RERE: variants seen among roughly 807,000 people sequenced by gnomAD.
RERE encodes arginine-glutamic acid dipeptide repeats, also known as arginine-glutamic acid dipeptide repeats protein.
RERE carries 40 observed loss-of-function variants against 146.1 expected under a neutral mutation model. The ratio of observed to expected loss-of-function variants is 0.27; its 90% confidence interval spans 0.21 to 0.36. The LOEUF is 0.36. RERE is among the 10% of genes least tolerant of loss of function. The probability of loss-of-function intolerance (pLI) is 1.00; values close to 1 mark genes in which losing one functional copy is unlikely to be tolerated. For missense variants in RERE, 1,933 were observed against 2,138.7 expected (o/e 0.90, Z 1.90); for synonymous variants, 1,003 against 866.0 (o/e 1.16, Z -2.78).
At chr1:8,530,685 T>C (rs949296264) in intron 7 of RERE, among the ~76,000 whole-genome samples, 4 of 135,790 alleles carry the variant, frequency 2.9e-5, no homozygotes, top group East Asian at 2.0e-4. Context: ...TTTTCTTTTT[T>C]TTTTTTTTTT....
chr1:8,384,679 C>A (rs1642578682), intron 12 of RERE, among the ~76,000 whole-genome samples: 2 of 152,206 alleles, frequency 1.3e-5, no homozygotes, highest in Non-Finnish European at 2.9e-5. Context: ...GCTTTGAAGG[C>A]ATTTTCTCTG....
intron 1 of RERE, among the ~76,000 whole-genome samples, chr1:8,798,081 A>G (rs779311453): frequency 2.8e-4 from 43 of 152,232 alleles, no homozygotes; most frequent in Non-Finnish European, 5.1e-4. Flanking sequence ...AAACATAGCA[A>G]GACCCCATTT....
intron 1 of RERE, among the ~76,000 whole-genome samples, chr1:8,755,726 CTG>C (rs1230647948): frequency 6.6e-6 from 1 of 152,142 alleles, no homozygotes; most frequent in Non-Finnish European, 1.5e-5. Context: ...CAAAAACAAA[CTG>C]TATTGTCAGA....
chr1:8,650,060 C>T (rs563419147), intron 2 of RERE, among the ~76,000 whole-genome samples: 42 of 152,078 alleles, frequency 2.8e-4, no homozygotes, highest in Admixed American at 7.2e-4. Context: ...CCGAGGCAGG[C>T]GGGAACATGG....
intron 4 of RERE, among the ~76,000 whole-genome samples, chr1:8,594,982 G>A (rs761309446): frequency 6.6e-6 from 1 of 152,016 alleles, no homozygotes; most frequent in Non-Finnish European, 1.5e-5. Context: ...AACATAGTGA[G>A]ACTTCATCTC....
intron 7 of RERE, among the ~76,000 whole-genome samples, chr1:8,520,753 T>TAAAAAAAAAAAAA (rs368609572): frequency 1.3e-5 from 1 of 78,158 alleles, no homozygotes; most frequent in Non-Finnish European, 2.5e-5. Flanking sequence ...AAAAAACTTT[T>TAAAAAAAAAAAAA]TAAAAAAAAA....
intron 10 of RERE, among the ~76,000 whole-genome samples, chr1:8,475,514 C>A (rs1644744452): frequency 6.6e-6 from 1 of 151,720 alleles, no homozygotes; most frequent in African/African-American, 2.4e-5. Flanking sequence ...CCTGTCTCTA[C>A]TAAAAAGAAA....
intron 4 of RERE, among the ~76,000 whole-genome samples, chr1:8,572,507 T>C (rs545715664): frequency 6.6e-6 from 1 of 152,340 alleles, no homozygotes; most frequent in African/African-American, 2.4e-5. Context: ...TAATATGGTC[T>C]CAGGAAATTC....
chr1:8,409,825 T>C (rs769196582), intron 12 of RERE, among the ~76,000 whole-genome samples: 4 of 152,150 alleles, frequency 2.6e-5, no homozygotes, highest in South Asian at 2.1e-4. Context: ...TCAAAGCTAA[T>C]GGTCCCTCTC....
chr1:8,366,047 A>G, intron 12 of RERE, 73 bp from the exon 13 acceptor site: 1 of 1,465,028 alleles, frequency 6.8e-7, no homozygotes, highest in East Asian at 2.3e-5. Context: ...TCTCTGCCAC[A>G]GTGGAAAGCT....
chr1:8,403,825 CTTTTTTTTTTTTT>C (rs869295197), intron 12 of RERE, among the ~76,000 whole-genome samples: 3 of 70,854 alleles, frequency 4.2e-5, no homozygotes, highest in African/African-American at 1.8e-4. Flanking sequence ...AAAATCTTAG[CTTTTTTTTTTTTT>C]TTTTTTTTTT....
intron 1 of RERE, among the ~76,000 whole-genome samples, chr1:8,657,282 G>GGC (rs1638342358): frequency 6.8e-6 from 1 of 146,218 alleles, no homozygotes. Flanking sequence ...TTCAGCCTGG[G>GGC]CGACAGAGCG....
At chr1:8,793,174 A>AAAAAAAAAAAAAAAAG (rs756022312) in intron 1 of RERE, among the ~76,000 whole-genome samples, 6 of 127,056 alleles carry the variant, frequency 4.7e-5, no homozygotes, top group South Asian at 2.4e-4. Flanking sequence ...AAAAAAAAAA[A>AAAAAAAAAAAAAAAAG]AAAGAAAGAA....
chr1:8,746,406 C>T (rs1349668445), intron 1 of RERE, among the ~76,000 whole-genome samples: 2 of 151,884 alleles, frequency 1.3e-5, no homozygotes, highest in African/African-American at 4.8e-5. Flanking sequence ...AAGAATGGAC[C>T]CATGTCTCAG....
chr1:8,615,929 A>G lies in RERE; in HGVS notation c.397-1243T>C, dbSNP rs372131468. ...GGGATCTACACTAAAATTTCTGTGC[A>G]GTCAGTCTCTGATTCTCATGGCCTC... On this transcript the variant is annotated intron_variant, in intron 3 of 22. Transcript: ENST00000400908. Among the ~76,000 whole-genome samples the G allele has an allele frequency of 2.0e-5, 3 of 152,188 alleles. No homozygotes were observed. In the East Asian group the frequency reaches 5.8e-4, roughly 29 times the overall value.
chr1:8,569,802 G>A (rs1460404076), intron 4 of RERE, among the ~76,000 whole-genome samples: 1 of 151,830 alleles, frequency 6.6e-6, no homozygotes, highest in Non-Finnish European at 1.5e-5. Flanking sequence ...TGAGGCGGTA[G>A]GATCTCCTGA....
chr1:8,379,565 C>G (rs2708633), intron 12 of RERE, among the ~76,000 whole-genome samples: 4 of 152,022 alleles, frequency 2.6e-5, no homozygotes. Context: ...ATGGGCTCCA[C>G]GGATTCTCTC....
At chr1:8,506,740 T>C (rs957253361) in intron 8 of RERE, among the ~76,000 whole-genome samples, 1 of 152,236 alleles carries the variant, frequency 6.6e-6, no homozygotes, top group Non-Finnish European at 1.5e-5. Context: ...GGGGAAATTT[T>C]CCTTGCTCCT....
At chr1:8,599,738 G>A (rs1646599250) in intron 4 of RERE, among the ~76,000 whole-genome samples, 1 of 152,190 alleles carries the variant, frequency 6.6e-6, no homozygotes, top group Admixed American at 6.5e-5. Context: ...ATCAAGGAGT[G>A]AGTATTGATT....
Sources: allele counts gnomAD v4.1 joint callset (sites outside exome capture counted in the v4.1 genomes callset), GRCh38; gene constraint gnomAD v4.1.1; transcripts MANE v1.5; gene names NCBI Gene and HGNC (gene_info 2026-07-23, HGNC 2026-07-21).